RAD23B: variants seen among roughly 807,000 people sequenced by gnomAD.
RAD23B encodes RAD23 nucleotide excision repair protein B, also known as lysine-specific demethylase RAD23B.
RAD23B carries 5 observed loss-of-function variants against 49.1 expected under a neutral mutation model. That is an observed-to-expected ratio of 0.10 (90% CI 0.05 to 0.21). RAD23B has a LOEUF of 0.21. RAD23B is among the 10% of genes least tolerant of loss of function. The pLI is 1.00. For missense variants in RAD23B, 356 were observed against 486.7 expected, an observed-to-expected ratio of 0.73 and a Z score of 2.53; for synonymous variants, 184 against 165.4, an observed-to-expected ratio of 1.11 and a Z score of -0.86.
rs1249065458 is a variant in RAD23B at position 107,329,849 on chromosome 9, C to T, written c.*193C>T. On this transcript the variant is annotated 3_prime_UTR_variant, in exon 10 of 10. Coordinates refer to ENST00000358015, the MANE Select transcript of RAD23B (RefSeq NM_002874.5). ...GCATGTCTGCTTCAATTAGCAGATG[C>T]CGCAACTCCACACAGTGTGTAAAAT... The T allele has an allele frequency of 5.2e-6, 2 of 386,656 alleles. No homozygotes were observed. Among genetic ancestry groups the T allele is most frequent in the Non-Finnish European group, 9.3e-6 (2 of 216,178 alleles). 24.0% of individuals were successfully genotyped at this position (386,656 alleles called of 1,614,324 possible).
In RAD23B at chr9:107,312,338, T is replaced by C. The variant is rs11573679; in HGVS notation, c.553+601T>C. ...CTGGTTTATTGGCTGGCAACTCCAT[T>C]CCTAGTTTGTTACTTTTAAATGGCA... On this transcript the variant is annotated intron_variant, in intron 5 of 9. Coordinates refer to ENST00000358015, the MANE Select transcript of RAD23B (RefSeq NM_002874.5). 5.5e-3 allele frequency among the ~76,000 whole-genome samples: 841 copies of C among 152,284 alleles called. 7 individuals carry two copies. The highest frequency in any genetic ancestry group is 0.019 in the African/African-American group (807 of 41,552).
At chr9:107,298,393 A>C (rs1416173780) in intron 1 of RAD23B, among the ~76,000 whole-genome samples, 1 of 151,454 alleles carries the variant, frequency 6.6e-6, no homozygotes, top group Non-Finnish European at 1.5e-5. Flanking sequence ...GGCCCACTGC[A>C]ACCTCCACTT....
chr9:107,290,712 T>C (rs1833366649), intron 1 of RAD23B, among the ~76,000 whole-genome samples: 1 of 152,250 alleles, frequency 6.6e-6, no homozygotes, highest in Non-Finnish European at 1.5e-5. Context: ...GAAATAAATT[T>C]TGCAGTTTTT....
At position 107,306,640 on chromosome 9, in the gene RAD23B, A is replaced by G. The variant is rs1224829968; in HGVS notation, c.490A>G (p.Thr164Ala). The G allele has an allele frequency of 9.9e-6, 16 of 1,613,348 alleles. No individual in the cohort carries two copies. In the East Asian group the frequency reaches 1.1e-4, roughly 11 times the overall value. ...ETPVATSPTA[T>A]DSTSGDSSRS... ...ACCAGTGGCTACTAGCCCAACAGCA[A>G]CTGACAGGTAGGAACTGGATTCTAG... The change falls in exon 4 of 10, where the codon ACT becomes GCT. Residue 164 changes from threonine to alanine, a missense_variant. Around this residue, in one of 5 missense-constraint regions of RAD23B, gnomAD observed 137 missense variants for 122.0 expected, o/e 1.12. Transcript: ENST00000358015.
chr9:107,329,465 G>T, intron 9 of RAD23B, 78 bp from the exon 10 acceptor site: 1 of 913,334 alleles, frequency 1.1e-6, no homozygotes, highest in South Asian at 1.6e-5. Context: ...TGCTATGCTG[G>T]AATCTATAAT....
At chr9:107,292,410 G>A (rs150389564) in intron 1 of RAD23B, among the ~76,000 whole-genome samples, 1,582 of 152,242 alleles carry the variant, frequency 0.01, 11 homozygotes, top group Middle Eastern at 0.024. Flanking sequence ...GCTGAGCGCC[G>A]TGGCTTATGC....
chr9:107,284,087 C>T, intron 1 of RAD23B: 3 of 1,005,918 alleles, frequency 3.0e-6, no homozygotes, highest in Non-Finnish European at 3.6e-6. Flanking sequence ...CGCCACTACC[C>T]CTGTGTGGAC....
chr9:107,312,903 C>G (rs1367962907), intron 5 of RAD23B, among the ~76,000 whole-genome samples: 1 of 152,090 alleles, frequency 6.6e-6, no homozygotes, highest in Non-Finnish European at 1.5e-5. Context: ...TCCTGAGTTC[C>G]CGGGAGCCTG....
At chr9:107,316,321 A>G (rs553679692) in intron 5 of RAD23B, among the ~76,000 whole-genome samples, 35 of 152,314 alleles carry the variant, frequency 2.3e-4, no homozygotes, top group African/African-American at 6.5e-4. Context: ...TTACCAAATT[A>G]TTAATCTCTC....
chr9:107,285,778 C>A (rs1282946584), intron 1 of RAD23B, among the ~76,000 whole-genome samples: 1 of 152,140 alleles, frequency 6.6e-6, no homozygotes, highest in Non-Finnish European at 1.5e-5. Flanking sequence ...TAGTCCGGGG[C>A]AAGAAATTAA....
In RAD23B at chr9:107,285,843, A is replaced by G. The variant is rs140371619; in HGVS notation, c.66+2148A>G. The stretch of plus-strand genomic sequence containing the variant: ...TGCATTTAATGACTTGTCAGTTTTT[A>G]TTTTAATGACTTTAGGAAATATTTT... On this transcript the variant is annotated intron_variant, in intron 1 of 9. Coordinates refer to ENST00000358015, the MANE Select transcript of RAD23B (RefSeq NM_002874.5). Among the ~76,000 whole-genome samples the G allele has an allele frequency of 6.2e-4, 94 of 152,332 alleles. No individual in the cohort carries two copies. The East Asian group carries it at 0.012, about 19-fold the overall frequency.
intron 5 of RAD23B, among the ~76,000 whole-genome samples, chr9:107,316,010 T>C (rs1587859894): frequency 1.3e-5 from 2 of 152,002 alleles, no homozygotes; most frequent in Non-Finnish European, 2.9e-5. Context: ...TTAATACTTT[T>C]ACGAATTTTT....
At chr9:107,293,824 C>T in intron 1 of RAD23B, among the ~76,000 whole-genome samples, 1 of 152,214 alleles carries the variant, frequency 6.6e-6, no homozygotes, top group South Asian at 2.1e-4. Context: ...TGCTCTGTTG[C>T]TCAGGCTGGA....
intron 1 of RAD23B, among the ~76,000 whole-genome samples, chr9:107,286,631 G>A (rs770563639): frequency 6.6e-6 from 1 of 152,064 alleles, no homozygotes; most frequent in African/African-American, 2.4e-5. Context: ...GTATGTGTGG[G>A]GTAGGGAGAC....
chr9:107,317,847 G>A (rs72738213), intron 5 of RAD23B, among the ~76,000 whole-genome samples: 8,982 of 152,064 alleles, frequency 0.059, 383 homozygotes, highest in South Asian at 0.12. Context: ...GAATATTAGC[G>A]CTTTGGGCAT....
chr9:107,306,632 C>G lies in RAD23B; in HGVS notation c.482C>G (p.Pro161Arg). The G allele has an allele frequency of 6.2e-7, 1 of 1,613,686 alleles. No homozygotes were observed. The highest frequency in any genetic ancestry group is 8.5e-7 in the Non-Finnish European group (1 of 1,179,710). ...KPAETPVATS[P>R]TATDSTSGDS... Reference sequence around the variant, plus strand: ...GCAGAGACACCAGTGGCTACTAGCCCAACAGCAACTGACAGGTAGGAACTG... The same window carrying G: ...GCAGAGACACCAGTGGCTACTAGCCGAACAGCAACTGACAGGTAGGAACTG... Residue 161 changes from proline to arginine, a missense_variant, in exon 4 of 10, where the codon CCA becomes CGA. Pro to Arg is a moderately radical substitution (Grantham distance 103). This residue lies in a region of RAD23B where 137 missense variants were observed against 122.0 expected (regional missense o/e 1.12). Transcript: ENST00000358015.
At chr9:107,315,666 A>G (rs566295482) in intron 5 of RAD23B, among the ~76,000 whole-genome samples, 75 of 152,120 alleles carry the variant, frequency 4.9e-4, no homozygotes, top group African/African-American at 1.6e-3. Context: ...GGCGCCTGCC[A>G]CCATGCCCAG....
intron 1 of RAD23B, among the ~76,000 whole-genome samples, chr9:107,286,757 G>A (rs1833278955): frequency 6.6e-6 from 1 of 152,116 alleles, no homozygotes; most frequent in African/African-American, 2.4e-5. Flanking sequence ...ATAGAGCACT[G>A]CTTCTCTGAA....
chr9:107,311,878 C>A, intron 5 of RAD23B, 141 bp downstream of exon 5: 1 of 638,318 alleles, frequency 1.6e-6, no homozygotes, highest in Non-Finnish European at 2.6e-6. Context: ...GGTAATTATT[C>A]AATTAATAGT....
Sources: allele counts gnomAD v4.1 joint callset (sites outside exome capture counted in the v4.1 genomes callset), GRCh38; gene constraint gnomAD v4.1.1; regional missense constraint gnomAD v4.1.1; transcripts MANE v1.5; gene names NCBI Gene and HGNC (gene_info 2026-07-23, HGNC 2026-07-21).